The following WDR17 variants were observed in gnomAD, a reference collection of about 807,000 sequenced individuals.
WDR17 encodes the protein WD repeat-containing protein 17.
WDR17 carries 143 observed loss-of-function variants against 161.7 expected under a neutral mutation model. The ratio of observed to expected loss-of-function variants is 0.88; its 90% CI spans 0.77 to 1.02. The LOEUF (loss-of-function observed/expected upper bound fraction) is 1.02, where lower values mean the gene tolerates loss of function less well. WDR17 is among the 50% of genes least tolerant of loss of function. WDR17 has a pLI of 0.00. For synonymous variants in WDR17, 517 were observed against 515.6 expected (o/e 1.00, Z -0.04); for missense variants, 1,469 against 1,520.9 (o/e 0.97, Z 0.57).
intron 8 of WDR17, among the ~76,000 whole-genome samples, chr4:176,137,028 T>A (rs878863463): frequency 6.6e-6 from 1 of 151,594 alleles, no homozygotes; most frequent in Admixed American, 6.6e-5. Context: ...GAAAGCATTG[T>A]TTATGTTTTT....
chr4:176,148,542 A>T (rs1000735382), intron 13 of WDR17, among the ~76,000 whole-genome samples: 5 of 152,232 alleles, frequency 3.3e-5, no homozygotes, highest in African/African-American at 1.2e-4. Flanking sequence ...GAAGATGACT[A>T]TTGTTAGCAC....
rs1428250054 is a variant in WDR17, at chr4:176,075,493, T to C, written c.-7+9414T>C. 2.0e-5 allele frequency among the ~76,000 whole-genome samples: 3 copies of C among 152,218 alleles called. No homozygotes were observed. In the South Asian group the frequency reaches 6.2e-4, roughly 31 times the overall value. The stretch of plus-strand genomic sequence containing the variant: ...CATTACTTTGTCATTTCCATTTTCA[T>C]AACCATATTCCATTTTCTTTGCTTA... On this transcript the variant is annotated intron_variant, in intron 1 of 28. Transcript: ENST00000508596.
intron 1 of WDR17, among the ~76,000 whole-genome samples, chr4:176,105,870 T>G (rs1390077370): frequency 6.6e-6 from 1 of 150,742 alleles, no homozygotes. Context: ...CAGAGATAAA[T>G]GAAGTAGAGA....
intron 6 of WDR17, among the ~76,000 whole-genome samples, chr4:176,130,549 C>G (rs1037864564): frequency 3.3e-5 from 5 of 152,020 alleles, no homozygotes; most frequent in African/African-American, 7.2e-5. Context: ...TCGAGACCAT[C>G]CTGGCTAACA....
At chr4:176,117,600 T>TG (rs1318639715) in intron 3 of WDR17, among the ~76,000 whole-genome samples, 4 of 152,028 alleles carry the variant, frequency 2.6e-5, no homozygotes. Flanking sequence ...CATCCATTCA[T>TG]GGGGGAAGAT....
intron 11 of WDR17, among the ~76,000 whole-genome samples, chr4:176,144,950 A>G (rs527786514): frequency 3.9e-5 from 6 of 152,252 alleles, no homozygotes; most frequent in Middle Eastern, 3.4e-3. Flanking sequence ...CAAATGTAGA[A>G]ACTGTCTTGT....
Position 176,163,313 on chromosome 4 carries a change from A to G in WDR17, c.2990+20A>G. 6.3e-7 allele frequency: 1 copy of G among 1,587,124 alleles called. No individual in the cohort carries two copies. The highest frequency in any genetic ancestry group is 8.6e-7 in the Non-Finnish European group (1 of 1,169,442). ...AGTATGGTAAGAATTTTGAAATTCAAAGAATAATTTCATAGTGATGGAATA... is the reference window on the plus strand; with the variant it reads ...AGTATGGTAAGAATTTTGAAATTCAGAGAATAATTTCATAGTGATGGAATA... On this transcript the variant is annotated intron_variant, in intron 22 of 28. Coordinates refer to ENST00000508596, the MANE Select transcript of WDR17 (RefSeq NM_181265.4).
At chr4:176,160,561 A>T (rs1251257483) in intron 19 of WDR17, among the ~76,000 whole-genome samples, 1 of 152,120 alleles carries the variant, frequency 6.6e-6, no homozygotes, top group Admixed American at 6.6e-5. Context: ...ACCTCAGGTG[A>T]TCCTCCCGCC....
chr4:176,150,721 A>C, intron 16 of WDR17, 128 bp downstream of exon 16: 2 of 915,584 alleles, frequency 2.2e-6, no homozygotes, highest in Non-Finnish European at 3.0e-6. Context: ...CACTGAGGAG[A>C]TCCATCTTGG....
chr4:176,168,135 A>T (rs1750160191), intron 22 of WDR17, among the ~76,000 whole-genome samples: 2 of 152,080 alleles, frequency 1.3e-5, no homozygotes, highest in African/African-American at 2.4e-5. Flanking sequence ...CGACAGAGGG[A>T]ATGAGACTAT....
intron 10 of WDR17, among the ~76,000 whole-genome samples, chr4:176,141,765 C>A (rs1469764933): frequency 1.3e-5 from 2 of 152,104 alleles, no homozygotes; most frequent in Non-Finnish European, 2.9e-5. Flanking sequence ...AATTTATTAC[C>A]TTATATTAAT....
At chr4:176,147,678 C>T (rs536309408) in intron 12 of WDR17, among the ~76,000 whole-genome samples, 9 of 152,038 alleles carry the variant, frequency 5.9e-5, no homozygotes, top group South Asian at 4.2e-4. Flanking sequence ...TTTGGTATTT[C>T]GTTTTAACAA....
chr4:176,105,318 C>T (rs1162573706), intron 1 of WDR17, among the ~76,000 whole-genome samples: 3 of 151,930 alleles, frequency 2.0e-5, no homozygotes, highest in Admixed American at 6.6e-5. Context: ...ATACATCAGA[C>T]AGAAAATAAG....
chr4:176,096,459 T>G, intron 1 of WDR17: 2 of 1,369,068 alleles, frequency 1.5e-6, no homozygotes, highest in Non-Finnish European at 2.0e-6. Context: ...TGTTGTTACT[T>G]TAGGTGCTGA....
chr4:176,171,344 C>G lies in WDR17; in HGVS notation c.3103-1031C>G, dbSNP rs949861816. Among the ~76,000 whole-genome samples, 34 of 152,064 alleles carry G rather than the reference C, an allele frequency of 2.2e-4. 1 individual carries two copies. Among genetic ancestry groups the G allele is most frequent in the African/African-American group, 8.0e-4 (33 of 41,422 alleles). On this transcript the variant is annotated intron_variant, in intron 23 of 28. Coordinates refer to ENST00000508596, the MANE Select transcript of WDR17 (RefSeq NM_181265.4). ...TTTCCTCTATGCCATGAGCATATAT[C>G]AAGGTGAAGAACCTATGTCTCTATC...
At chr4:176,131,236 G>T (rs986059743) in intron 6 of WDR17, among the ~76,000 whole-genome samples, 1 of 152,096 alleles carries the variant, frequency 6.6e-6, no homozygotes, top group African/African-American at 2.4e-5. Context: ...TATTTTGAAG[G>T]AAGTTTATAA....
At chr4:176,078,736 A>AT (rs1734372717) in intron 1 of WDR17, among the ~76,000 whole-genome samples, 1 of 151,874 alleles carries the variant, frequency 6.6e-6, no homozygotes, top group African/African-American at 2.4e-5. Flanking sequence ...GCTTTTTGTC[A>AT]TTTTTTAATT....
chr4:176,079,373 T>C (rs1388054579), intron 1 of WDR17, among the ~76,000 whole-genome samples: 1 of 152,154 alleles, frequency 6.6e-6, no homozygotes, highest in Non-Finnish European at 1.5e-5. Flanking sequence ...TTTCCTTTTG[T>C]CATGGGGCTG....
At chr4:176,148,617 C>T (rs1210396994) in intron 13 of WDR17, among the ~76,000 whole-genome samples, 4 of 152,170 alleles carry the variant, frequency 2.6e-5, no homozygotes, top group Non-Finnish European at 5.9e-5. Flanking sequence ...CAAACACACA[C>T]ACAATGCACA....
Sources: allele counts gnomAD v4.1 joint callset (sites outside exome capture counted in the v4.1 genomes callset), GRCh38; gene constraint gnomAD v4.1.1; transcripts MANE v1.5; gene names NCBI Gene and HGNC (gene_info 2026-07-23, HGNC 2026-07-21).